The following FYTTD1 variants were observed in gnomAD, a reference collection of about 807,000 sequenced individuals.
FYTTD1 encodes forty-two-three domain containing 1.
Under a neutral mutation model 40.9 loss-of-function variants are expected in FYTTD1, and 22 were observed. The ratio of observed to expected loss-of-function variants is 0.54; its 90% confidence interval spans 0.38 to 0.77. The LOEUF is 0.77. FYTTD1 is among the 30% of genes least tolerant of loss of function. The pLI is 0.00. For missense variants in FYTTD1, 351 were observed against 392.2 expected, an observed-to-expected ratio of 0.90 and a Z score of 0.89; for synonymous variants, 140 against 137.9, an observed-to-expected ratio of 1.01 and a Z score of -0.10.
At chr3:197,775,404 G>T (rs1170114284) in intron 6 of FYTTD1, among the ~76,000 whole-genome samples, 1 of 152,090 alleles carries the variant, frequency 6.6e-6, no homozygotes, top group Non-Finnish European at 1.5e-5. Context: ...CAAGGGAATT[G>T]TTGCCAGGCC....
intron 2 of FYTTD1, among the ~76,000 whole-genome samples, chr3:197,758,374 A>G (rs1470034607): frequency 2.0e-5 from 3 of 152,236 alleles, no homozygotes; most frequent in Non-Finnish European, 2.9e-5. Flanking sequence ...TACTTGATAG[A>G]TACCCTAAAC....
chr3:197,756,639 G>A, intron 2 of FYTTD1, 82 bp downstream of exon 2: 2 of 1,235,194 alleles, frequency 1.6e-6, no homozygotes, highest in South Asian at 2.5e-5. Context: ...GCTTAACGTG[G>A]AGGAATGCGT....
chr3:197,761,072 G>C (rs1396827586), intron 2 of FYTTD1, among the ~76,000 whole-genome samples: 1 of 143,820 alleles, frequency 7.0e-6, no homozygotes, highest in Non-Finnish European at 1.5e-5. Context: ...TTGTTCCTCA[G>C]TGGTAGAATG....
chr3:197,749,932 G>A lies in FYTTD1; in HGVS notation c.-40G>A. On this transcript the variant is annotated 5_prime_UTR_variant, in exon 1 of 9. Transcript: ENST00000241502. ...TGGGAGGTGGCAGGCCTGCGACTCCGGCCTTGTCCGCGCCCGCTCTCGGCG... is the reference window on the plus strand; with the variant it reads ...TGGGAGGTGGCAGGCCTGCGACTCCAGCCTTGTCCGCGCCCGCTCTCGGCG... The A allele has an allele frequency of 1.4e-6, 2 of 1,410,602 alleles. No individual in the cohort carries two copies. Among genetic ancestry groups the A allele is most frequent in the Non-Finnish European group, 1.9e-6 (2 of 1,036,066 alleles). 87.4% of individuals were successfully genotyped at this position (1,410,602 alleles called of 1,614,324 possible).
chr3:197,768,893 A>C (rs1000406642), intron 3 of FYTTD1, among the ~76,000 whole-genome samples: 3 of 151,454 alleles, frequency 2.0e-5, no homozygotes, highest in African/African-American at 7.3e-5. Context: ...CCCAGGTTCA[A>C]GCAGTTCTCC....
intron 8 of FYTTD1, among the ~76,000 whole-genome samples, chr3:197,778,732 CT>C (rs1729944061): frequency 6.6e-6 from 1 of 152,070 alleles, no homozygotes; most frequent in African/African-American, 2.4e-5. Flanking sequence ...TTTTGTTTTC[CT>C]GCTGAACAGT....
chr3:197,754,034 C>T (rs1056462986), intron 1 of FYTTD1, among the ~76,000 whole-genome samples: 15 of 152,184 alleles, frequency 9.9e-5, no homozygotes, highest in Admixed American at 3.9e-4. Context: ...GCTACCGCAC[C>T]CGGCCTATAT....
intron 4 of FYTTD1, among the ~76,000 whole-genome samples, chr3:197,771,109 A>G (rs898256162): frequency 6.6e-6 from 1 of 152,168 alleles, no homozygotes; most frequent in Admixed American, 6.5e-5. Flanking sequence ...GGTCCCAGCT[A>G]CTTACGAGGC....
At chr3:197,777,349 C>G (rs111562396) in intron 7 of FYTTD1, among the ~76,000 whole-genome samples, 121 of 152,048 alleles carry the variant, frequency 8.0e-4, no homozygotes, top group Middle Eastern at 6.8e-3. Flanking sequence ...CTTGACCTCC[C>G]AAGCTCAAGC....
At chr3:197,776,892 A>T (rs1249076181) in intron 6 of FYTTD1, 35 bp from the exon 7 acceptor site, 1 of 1,398,822 alleles carries the variant, frequency 7.1e-7, no homozygotes, top group Admixed American at 1.7e-5. Context: ...ATCAACTTAC[A>T]TTTAATGAAT....
rs993447872 is a variant in FYTTD1 at position 197,787,312 on chromosome 3, C to T, written c.*5403C>T. On this transcript the variant is annotated 3_prime_UTR_variant, in exon 9 of 9. Transcript: ENST00000241502. ...TAAGACGAGGTTTCACCATATTGGC[C>T]AGTCTAGTCTCAAACTCCTGACCTC... The T allele has an allele frequency of 9.9e-5, 15 of 151,928 alleles. No individual in the cohort carries two copies. Among genetic ancestry groups the T allele is most frequent in the Admixed American group, 5.9e-4 (9 of 15,236 alleles). The allele number at this position is 151,928 out of a possible 1,614,324, so 9.4% of individuals were successfully genotyped here.
At chr3:197,754,005 G>A (rs940857968) in intron 1 of FYTTD1, among the ~76,000 whole-genome samples, 60 of 152,148 alleles carry the variant, frequency 3.9e-4, no homozygotes, top group Non-Finnish European at 8.8e-5. Context: ...CTCCCAAAGT[G>A]CTGGGATTAC....
In FYTTD1 at chr3:197,778,378, T is replaced by C. The variant is rs749676176; in HGVS notation, c.772T>C (p.Phe258Leu). The C allele has an allele frequency of 3.7e-6, 6 of 1,612,200 alleles. No individual in the cohort carries two copies. The African/African-American group carries it at 6.7e-5, about 18-fold the overall frequency. The change falls in exon 8 of 9, where the codon TTT (phenylalanine) becomes CTT (leucine). Residue 258 changes from phenylalanine (F) to leucine (L), a missense_variant. Coordinates refer to ENST00000241502, the MANE Select transcript of FYTTD1 (RefSeq NM_032288.7). ...ATTAACTCGTACTGCTGTACCTTCA[T>C]TTTTAACAAAGCGGGAGCAAAGTGA... ...PRLTRTAVPS[F>L]LTKREQSDVK...
At chr3:197,770,789 TC>T (rs1729694598) in intron 4 of FYTTD1, among the ~76,000 whole-genome samples, 1 of 152,042 alleles carries the variant, frequency 6.6e-6, no homozygotes, top group African/African-American at 2.4e-5. Context: ...CCTCAAGTGA[TC>T]CTCCCACCTC....
At chr3:197,760,473 T>C (rs1729348472) in intron 2 of FYTTD1, among the ~76,000 whole-genome samples, 3 of 150,670 alleles carry the variant, frequency 2.0e-5, no homozygotes. Context: ...ACGGGTAGAA[T>C]GTATAGAGTT....
intron 7 of FYTTD1, among the ~76,000 whole-genome samples, chr3:197,778,104 A>G (rs1296924374): frequency 1.3e-5 from 2 of 152,256 alleles, no homozygotes; most frequent in Non-Finnish European, 2.9e-5. Flanking sequence ...ATCAAGAGTT[A>G]GGAATCACCA....
intron 2 of FYTTD1, among the ~76,000 whole-genome samples, chr3:197,764,848 AC>A (rs1242235027): frequency 6.7e-6 from 1 of 150,258 alleles, no homozygotes; most frequent in African/African-American, 2.5e-5. Flanking sequence ...TCTATTCCAT[AC>A]TTTTTTTTTT....
intron 6 of FYTTD1, among the ~76,000 whole-genome samples, chr3:197,776,199 A>G (rs928371891): frequency 6.6e-6 from 1 of 151,330 alleles, no homozygotes; most frequent in African/African-American, 2.4e-5. Flanking sequence ...TTTATTCATC[A>G]TAGCAATTTT....
chr3:197,750,894 G>A (rs562256414), intron 1 of FYTTD1: 313 of 970,996 alleles, frequency 3.2e-4, no homozygotes, highest in Admixed American at 2.8e-3. Flanking sequence ...AAAACCGGGA[G>A]GTTGGTGATT....
Sources: gnomAD v4.1 joint callset for allele counts (sites outside exome capture counted in the v4.1 genomes callset) on GRCh38, gnomAD v4.1.1 for gene constraint, MANE v1.5 for transcripts, NCBI Gene and HGNC (gene_info 2026-07-23, HGNC 2026-07-21) for gene names.